Variants in MTUS2 observed in about 807,000 individuals in gnomAD.
MTUS2 encodes microtubule associated scaffold protein 2.
MTUS2 carries 40 observed loss-of-function variants against 114.1 expected under a neutral mutation model. The observed-to-expected ratio is 0.35, with a 90% CI of 0.27 to 0.46. MTUS2 has a LOEUF of 0.46. MTUS2 is among the 20% of genes least tolerant of loss of function. The pLI, the probability that MTUS2 is intolerant of heterozygous loss-of-function variation, is 1.00. For synonymous variants in MTUS2, 688 were observed against 672.0 expected, an observed-to-expected ratio of 1.02 and a Z score of -0.37; for missense variants, 1,679 against 1,705.4, an observed-to-expected ratio of 0.98 and a Z score of 0.27.
chr13:29,214,196 T>C (rs969286734), intron 5 of MTUS2, among the ~76,000 whole-genome samples: 3 of 151,210 alleles, frequency 2.0e-5, no homozygotes, highest in South Asian at 2.1e-4. Context: ...TTTTTTTTGC[T>C]TTCCATTTGC....
chr13:29,062,732 G>A (rs902753550), intron 4 of MTUS2, among the ~76,000 whole-genome samples: 8 of 152,008 alleles, frequency 5.3e-5, no homozygotes, highest in South Asian at 2.1e-4. Context: ...CTAGGTTTAC[G>A]GTGGTCTTAA....
At chr13:28,905,664 T>C (rs1879953015) in intron 2 of MTUS2, among the ~76,000 whole-genome samples, 2 of 151,656 alleles carry the variant, frequency 1.3e-5, no homozygotes, top group Admixed American at 1.3e-4. Flanking sequence ...GCCAGTATTT[T>C]ATTGAGGATT....
At chr13:28,853,720 T>G (rs1472505387) in intron 2 of MTUS2, among the ~76,000 whole-genome samples, 1 of 152,210 alleles carries the variant, frequency 6.6e-6, no homozygotes, top group Non-Finnish European at 1.5e-5. Context: ...AAAGTAAAAG[T>G]GCAAATGAGC....
At chr13:28,988,952 G>A (rs1449329095) in intron 2 of MTUS2, among the ~76,000 whole-genome samples, 1 of 152,226 alleles carries the variant, frequency 6.6e-6, no homozygotes, top group Non-Finnish European at 1.5e-5. Flanking sequence ...GCAGGAAGAT[G>A]TTGCTCATTT....
At chr13:29,115,376 T>C (rs1285031246) in intron 5 of MTUS2, among the ~76,000 whole-genome samples, 1 of 152,240 alleles carries the variant, frequency 6.6e-6, no homozygotes, top group East Asian at 1.9e-4. Context: ...CAAGGAGTCC[T>C]ATGTGCATGT....
intron 5 of MTUS2, among the ~76,000 whole-genome samples, chr13:29,127,855 G>A (rs1341044760): frequency 6.6e-6 from 1 of 152,184 alleles, no homozygotes; most frequent in East Asian, 1.9e-4. Flanking sequence ...TAAGCAGCGT[G>A]GTTTTACAGA....
At chr13:29,210,573 C>T (rs958690062) in intron 5 of MTUS2, among the ~76,000 whole-genome samples, 1 of 152,118 alleles carries the variant, frequency 6.6e-6, no homozygotes, top group Non-Finnish European at 1.5e-5. Context: ...GAGGGAAGAT[C>T]TAGGGCTCAA....
At chr13:29,104,125 C>G (rs17573535) in intron 5 of MTUS2, among the ~76,000 whole-genome samples, 1 of 152,154 alleles carries the variant, frequency 6.6e-6, no homozygotes, top group Non-Finnish European at 1.5e-5. Context: ...GGCCATTAGC[C>G]CAACCCCATT....
chr13:29,341,209 C>T (rs1019388240), intron 7 of MTUS2, among the ~76,000 whole-genome samples: 4 of 151,916 alleles, frequency 2.6e-5, no homozygotes, highest in Admixed American at 2.0e-4. Context: ...GTTTTTAGTT[C>T]TTTAAGGAGT....
At chr13:29,009,997 G>C (rs1885767092) in intron 2 of MTUS2, among the ~76,000 whole-genome samples, 1 of 152,070 alleles carries the variant, frequency 6.6e-6, no homozygotes, top group African/African-American at 2.4e-5. Context: ...AGATCACAAA[G>C]TCAGGAGTTC....
chr13:28,867,339 T>G (rs1184440496), intron 2 of MTUS2, among the ~76,000 whole-genome samples: 2 of 152,182 alleles, frequency 1.3e-5, no homozygotes, highest in African/African-American at 4.8e-5. Flanking sequence ...ATATAGATTT[T>G]TAAATGTAAG....
chr13:29,023,336 C>T (rs561107852), intron 2 of MTUS2, among the ~76,000 whole-genome samples: 1 of 152,146 alleles, frequency 6.6e-6, no homozygotes, highest in Non-Finnish European at 1.5e-5. Context: ...GCATTTCCCC[C>T]AAGTTTTTAT....
chr13:29,077,137 C>T (rs753862244), intron 4 of MTUS2, among the ~76,000 whole-genome samples: 4 of 152,166 alleles, frequency 2.6e-5, no homozygotes, highest in Non-Finnish European at 4.4e-5. Context: ...TGTGCCACTT[C>T]TCTTGCTTTG....
chr13:29,354,240 AT>A (rs5802516), intron 7 of MTUS2, among the ~76,000 whole-genome samples: 22,493 of 120,306 alleles, frequency 0.19, 1,463 homozygotes, highest in Middle Eastern at 0.27. Context: ...TATTTTGGGC[AT>A]TTTTTTTTTT....
chr13:28,950,184 A>G (rs552844454), intron 2 of MTUS2, among the ~76,000 whole-genome samples: 10 of 152,092 alleles, frequency 6.6e-5, no homozygotes, highest in Non-Finnish European at 1.3e-4. Context: ...TTGATTTGCA[A>G]TTTCCAAATG....
intron 8 of MTUS2, among the ~76,000 whole-genome samples, chr13:29,388,237 A>G (rs550954295): frequency 1.3e-5 from 2 of 152,232 alleles, no homozygotes; most frequent in African/African-American, 2.4e-5. Flanking sequence ...GCACCGTGAC[A>G]GGTACCATGA....
At chr13:29,395,581 G>C (rs559442880) in intron 8 of MTUS2, among the ~76,000 whole-genome samples, 2 of 152,258 alleles carry the variant, frequency 1.3e-5, no homozygotes, top group South Asian at 4.1e-4. Context: ...TCACAGCCAG[G>C]GTTTGCTGTA....
chr13:29,234,107 G>C (rs1459084914), intron 5 of MTUS2, among the ~76,000 whole-genome samples: 1 of 152,140 alleles, frequency 6.6e-6, no homozygotes, highest in Non-Finnish European at 1.5e-5. Flanking sequence ...ATAGCTTCCA[G>C]TCCCTCTTCC....
rs1412480460 is a variant in MTUS2, at chr13:28,880,331, C to T, written c.-243+40481C>T. Among the ~76,000 whole-genome samples the T allele has an allele frequency of 1.3e-5, 2 of 152,094 alleles. 1 individual carries two copies. ...ACATTTTATTAAGATCAGAACAAATCAAGCAAGGTCGATTCCTGAATATTT... is the reference window on the plus strand; with the variant it reads ...ACATTTTATTAAGATCAGAACAAATTAAGCAAGGTCGATTCCTGAATATTT... On this transcript the variant is annotated intron_variant, in intron 2 of 15. Coordinates refer to ENST00000612955, the MANE Select transcript of MTUS2 (RefSeq NM_001033602.4).
Sources: allele counts gnomAD v4.1 joint callset (sites outside exome capture counted in the v4.1 genomes callset), GRCh38; gene constraint gnomAD v4.1.1; transcripts MANE v1.5; gene names NCBI Gene and HGNC (gene_info 2026-07-23, HGNC 2026-07-21).